The following PTPRD variants were observed in gnomAD, a reference collection of about 807,000 sequenced individuals.
The protein encoded by PTPRD is receptor-type tyrosine-protein phosphatase delta.
A neutral mutation model predicts 214.5 loss-of-function variants in PTPRD; 34 were observed. That is an observed-to-expected ratio of 0.16 (90% CI 0.12 to 0.21). The LOEUF (loss-of-function observed/expected upper bound fraction) is 0.21, where lower values mean the gene tolerates loss of function less well. Ranked by LOEUF, PTPRD falls within the 10% of genes least tolerant of loss-of-function variation. The probability of loss-of-function intolerance (pLI) is 1.00; values close to 1 mark genes in which losing one functional copy is unlikely to be tolerated. For missense variants in PTPRD, 2,545 were observed against 2,398.7 expected, an observed-to-expected ratio of 1.06 and a Z score of -1.27; for synonymous variants, 1,128 against 845.7, an observed-to-expected ratio of 1.33 and a Z score of -5.79.
At chr9:10,207,764 G>C (rs1263283347) in intron 3 of PTPRD, among the ~76,000 whole-genome samples, 1 of 151,640 alleles carries the variant, frequency 6.6e-6, no homozygotes, top group Non-Finnish European at 1.5e-5. Flanking sequence ...TTGAATAATT[G>C]TGTAAAAGTG....
intron 2 of PTPRD, among the ~76,000 whole-genome samples, chr9:10,413,264 C>A (rs1296908056): frequency 6.6e-6 from 1 of 151,936 alleles, no homozygotes; most frequent in Non-Finnish European, 1.5e-5. Flanking sequence ...AGCTAAGTCT[C>A]AGGATATAAA....
At chr9:8,396,777 A>G (rs1174231150) in intron 36 of PTPRD, among the ~76,000 whole-genome samples, 1 of 152,178 alleles carries the variant, frequency 6.6e-6, no homozygotes, top group Non-Finnish European at 1.5e-5. Flanking sequence ...TGCCATTTAC[A>G]CAGCTCTAAT....
chr9:10,101,702 TA>T (rs2098553457), intron 3 of PTPRD, among the ~76,000 whole-genome samples: 3 of 151,650 alleles, frequency 2.0e-5, no homozygotes. Context: ...CACATACAAA[TA>T]AAAGCTAATT....
chr9:8,747,408 G>C (rs944338584), intron 11 of PTPRD, among the ~76,000 whole-genome samples: 6 of 152,060 alleles, frequency 3.9e-5, no homozygotes, highest in Non-Finnish European at 7.4e-5. Flanking sequence ...CAAACATCAG[G>C]AAGCCATTAG....
At chr9:9,261,950 T>C (rs951022174) in intron 9 of PTPRD, among the ~76,000 whole-genome samples, 3 of 151,688 alleles carry the variant, frequency 2.0e-5, no homozygotes, top group Non-Finnish European at 2.9e-5. Flanking sequence ...TACCTGCAGA[T>C]AAAGGAAAGG....
chr9:9,851,681 G>C (rs2060575788), intron 5 of PTPRD, among the ~76,000 whole-genome samples: 1 of 152,194 alleles, frequency 6.6e-6, no homozygotes, highest in African/African-American at 2.4e-5. Flanking sequence ...GTGGGAAGCT[G>C]AGGCAGAAGG....
intron 5 of PTPRD, among the ~76,000 whole-genome samples, chr9:9,925,665 A>G (rs544288025): frequency 6.6e-6 from 1 of 152,066 alleles, no homozygotes; most frequent in South Asian, 2.1e-4. Flanking sequence ...TGCATAACTA[A>G]ACTGAGATTA....
At chr9:9,105,784 T>C (rs941569633) in intron 10 of PTPRD, among the ~76,000 whole-genome samples, 1 of 152,226 alleles carries the variant, frequency 6.6e-6, no homozygotes, top group African/African-American at 2.4e-5. Flanking sequence ...GAAATTGATG[T>C]GGCTTTGCTT....
intron 27 of PTPRD, among the ~76,000 whole-genome samples, chr9:8,486,788 A>T (rs1027667651): frequency 6.6e-6 from 1 of 152,212 alleles, no homozygotes; most frequent in African/African-American, 2.4e-5. Flanking sequence ...TAGTATTCAC[A>T]ATTGGTTTAC....
chr9:9,274,500 G>T (rs1400263837), intron 9 of PTPRD, among the ~76,000 whole-genome samples: 2 of 151,230 alleles, frequency 1.3e-5, no homozygotes, highest in Non-Finnish European at 3.0e-5. Context: ...TTCCAAGGAT[G>T]AGTCTCATTT....
chr9:8,865,432 G>A (rs1033744206), intron 11 of PTPRD, among the ~76,000 whole-genome samples: 1 of 152,054 alleles, frequency 6.6e-6, no homozygotes, highest in African/African-American at 2.4e-5. Context: ...AGGAAGGGAA[G>A]GATAGAAATA....
intron 4 of PTPRD, among the ~76,000 whole-genome samples, chr9:9,967,310 G>A (rs1356637864): frequency 1.3e-5 from 2 of 152,096 alleles, no homozygotes; most frequent in African/African-American, 4.8e-5. Context: ...GCAATAAAGT[G>A]ACAAATTTGT....
chr9:9,474,339 C>T (rs1009273866), intron 8 of PTPRD, among the ~76,000 whole-genome samples: 3 of 151,896 alleles, frequency 2.0e-5, no homozygotes, highest in Non-Finnish European at 4.4e-5. Context: ...CAATATCATG[C>T]CGTATTGATT....
chr9:9,382,765 A>G (rs1370914036), intron 9 of PTPRD, among the ~76,000 whole-genome samples: 1 of 152,072 alleles, frequency 6.6e-6, no homozygotes, highest in Non-Finnish European at 1.5e-5. Context: ...AATATCAAAA[A>G]TAAAACTTAT....
rs1280458865 is a variant in PTPRD, at chr9:8,376,644, A to C, written c.4469T>G (p.Leu1490Arg). The C allele has an allele frequency of 6.2e-7, 1 of 1,613,098 alleles. No individual in the cohort carries two copies. Among genetic ancestry groups the C allele is most frequent in the East Asian group, 2.2e-5 (1 of 44,838 alleles). ...VQVTLLDTVE[L>R]ATYCVRTFAL... The stretch of plus-strand genomic sequence containing the variant: ...AAATGTTCGAACACAATATGTGGCC[A>C]GCTCCACAGTATCAAGCAGCGTTAC... The change falls in exon 38 of 46, where the codon CTG becomes CGG. Residue 1490 changes from leucine to arginine, a missense_variant. Leu to Arg is a moderately radical substitution (Grantham distance 102). Coordinates refer to ENST00000381196, the MANE Select transcript of PTPRD (RefSeq NM_002839.4).
intron 5 of PTPRD, among the ~76,000 whole-genome samples, chr9:9,869,371 A>C (rs1391071568): frequency 6.6e-6 from 1 of 152,166 alleles, no homozygotes; most frequent in Non-Finnish European, 1.5e-5. Flanking sequence ...GGATTCCAAA[A>C]TCATCAGGTG....
intron 11 of PTPRD, chr9:8,861,349 G>C (rs1186010316): frequency 1.3e-5 from 2 of 152,198 alleles, no homozygotes; most frequent in Non-Finnish European, 2.9e-5. Flanking sequence ...TGCGAATCTA[G>C]TGGGTCATAA....
chr9:9,130,932 C>A (rs540072062), intron 10 of PTPRD, among the ~76,000 whole-genome samples: 4 of 152,126 alleles, frequency 2.6e-5, no homozygotes, highest in South Asian at 4.1e-4. Flanking sequence ...TATGACGAAC[C>A]CTTTAGTAAA....
chr9:8,715,922 T>C (rs1288761197), intron 12 of PTPRD, among the ~76,000 whole-genome samples: 1 of 152,270 alleles, frequency 6.6e-6, no homozygotes, highest in Non-Finnish European at 1.5e-5. Context: ...AGTAAATTCC[T>C]GCTTCTACTT....
Sources: gnomAD v4.1 joint callset for allele counts (sites outside exome capture counted in the v4.1 genomes callset) on GRCh38, gnomAD v4.1.1 for gene constraint, MANE v1.5 for transcripts, NCBI Gene and HGNC (gene_info 2026-07-23, HGNC 2026-07-21) for gene names.